COL4A3: variants seen among roughly 807,000 people sequenced by gnomAD.
COL4A3 encodes collagen alpha-3(IV) chain.
In COL4A3, 135 loss-of-function variants were observed where a neutral mutation model predicts 217.4. The ratio of observed to expected loss-of-function variants is 0.62; its 90% CI spans 0.54 to 0.72. The LOEUF (loss-of-function observed/expected upper bound fraction) is 0.72, where lower values mean the gene tolerates loss of function less well. COL4A3 is among the 30% of genes least tolerant of loss of function. The probability of loss-of-function intolerance (pLI) is 0.00; values close to 1 mark genes in which losing one functional copy is unlikely to be tolerated. For missense variants in COL4A3, 1,868 were observed against 2,119.9 expected, an observed-to-expected ratio of 0.88 and a Z score of 2.33; for synonymous variants, 690 against 736.3, an observed-to-expected ratio of 0.94 and a Z score of 1.02.
In COL4A3 at chr2:227,293,202, A is replaced by G. The variant is rs1289304213; in HGVS notation, c.3222A>G (p.Gly1074=). ...TGACTACATTTAAGGGGGATCCAGG[A>G]CTGCCGGGTGATATGGGAAAGAAAG... The part of the protein sequence containing the change: ...PGPPGPTGDP[G]LPGDMGKKGE... Residue 1074 remains glycine (G), a synonymous_variant, in exon 38 of 52, where the codon GGA becomes GGG. Coordinates refer to ENST00000396578, the MANE Select transcript of COL4A3 (RefSeq NM_000091.5). The G allele has an allele frequency of 6.2e-6, 10 of 1,613,906 alleles. No homozygotes were observed. Among genetic ancestry groups the G allele is most frequent in the Non-Finnish European group, 7.6e-6 (9 of 1,180,036 alleles).
chr2:227,180,351 G>T (rs1329164149), intron 1 of COL4A3, among the ~76,000 whole-genome samples: 1 of 152,232 alleles, frequency 6.6e-6, no homozygotes, highest in Admixed American at 6.5e-5. Flanking sequence ...AGAAGAATGA[G>T]ATGTGGATTT....
At chr2:227,207,720 G>A (rs114490711) in intron 1 of COL4A3, among the ~76,000 whole-genome samples, 2,305 of 152,292 alleles carry the variant, frequency 0.015, 63 homozygotes, top group African/African-American at 0.052. Flanking sequence ...GTGGCCAAAA[G>A]CTCTCCAGGT....
chr2:227,192,375 C>A (rs1162857527), intron 1 of COL4A3, among the ~76,000 whole-genome samples: 4 of 152,166 alleles, frequency 2.6e-5, no homozygotes, highest in Non-Finnish European at 4.4e-5. Flanking sequence ...GTTTAGCACA[C>A]ACTATCATAT....
intron 1 of COL4A3, among the ~76,000 whole-genome samples, chr2:227,234,320 T>C (rs1198677500): frequency 6.6e-6 from 1 of 152,216 alleles, no homozygotes; most frequent in African/African-American, 2.4e-5. Flanking sequence ...TTTAAACTTT[T>C]TCCAAAAGAA....
intron 1 of COL4A3, among the ~76,000 whole-genome samples, chr2:227,226,111 G>C (rs928581436): frequency 6.6e-6 from 1 of 152,150 alleles, no homozygotes; most frequent in African/African-American, 2.4e-5. Context: ...CTGTGGTTTG[G>C]GGGGTGGGTG....
chr2:227,213,130 T>C (rs1454092889), intron 1 of COL4A3, among the ~76,000 whole-genome samples: 2 of 152,214 alleles, frequency 1.3e-5, no homozygotes, highest in Non-Finnish European at 2.9e-5. Context: ...GTCACAGTGC[T>C]ATTTTAGGGT....
At chr2:227,293,505 A>G (rs2072878079) in intron 38 of COL4A3, among the ~76,000 whole-genome samples, 188 bp downstream of exon 38, 1 of 152,242 alleles carries the variant, frequency 6.6e-6, no homozygotes, top group Admixed American at 6.5e-5. Flanking sequence ...TAATCAGCCC[A>G]TTTGGACTGA....
intron 9 of COL4A3, among the ~76,000 whole-genome samples, chr2:227,249,212 G>A (rs1331394169): frequency 3.0e-5 from 1 of 33,228 alleles, no homozygotes; most frequent in Non-Finnish European, 5.9e-5. Flanking sequence ...AAATTAGCTA[G>A]TATATATATA....
intron 6 of COL4A3, 73 bp from the exon 7 acceptor site, chr2:227,246,612 G>T: frequency 1.6e-6 from 2 of 1,289,546 alleles, no homozygotes; most frequent in South Asian, 2.4e-5. Context: ...TTGGAAGCGA[G>T]AAACAGGAAA....
chr2:227,303,843 CTTTG>C lies in COL4A3; in HGVS notation c.3956-8_3956-5del, dbSNP rs779522146. The C allele has an allele frequency of 3.1e-5, 50 of 1,612,966 alleles. No individual in the cohort carries two copies. In the East Asian group the frequency reaches 1.0e-3, roughly 33 times the overall value. On this transcript the variant is annotated splice_polypyrimidine_tract_variant and intron_variant, in intron 44 of 51. Coordinates refer to ENST00000396578, the MANE Select transcript of COL4A3 (RefSeq NM_000091.5). ...TGATCTAAGTGGAATCACACTGTGT[CTTTG>C]TTTGTTTTTAGGAGAAAAGGGTAAT... is the stretch of plus-strand genomic sequence containing the variant.
chr2:227,258,758 T>C (rs539698910), intron 18 of COL4A3, among the ~76,000 whole-genome samples: 1 of 152,350 alleles, frequency 6.6e-6, no homozygotes, highest in South Asian at 2.1e-4. Context: ...ATTCAAACTA[T>C]AGCAGTTCCT....
At position 227,284,214 on chromosome 2, in the gene COL4A3, G is replaced by A. The variant is rs773119622; in HGVS notation, c.2750G>A (p.Ser917Asn). 1.9e-6 allele frequency: 3 copies of A among 1,614,034 alleles called. No homozygotes were observed. The highest frequency in any genetic ancestry group is 4.5e-5 in the East Asian group (2 of 44,872). The part of the protein sequence containing the change: ...GNPGTPGQRG[S>N]PGIPGVKGQR... Reference sequence around the variant, plus strand: ...TGTTGTTACTCCTGTCTGTTAGGGAGCCCTGGAATTCCAGGAGTAAAGGGC... The same window carrying A: ...TGTTGTTACTCCTGTCTGTTAGGGAACCCTGGAATTCCAGGAGTAAAGGGC... Residue 917 changes from serine (S) to asparagine (N), a missense_variant, in exon 34 of 52, where the codon AGC (serine) becomes AAC (asparagine). Around this residue, in one of 2 missense-constraint regions of COL4A3, gnomAD observed 1,503 missense variants for 1,786.1 expected, o/e 0.84. Transcript: ENST00000396578.
At chr2:227,228,869 C>G (rs890073029) in intron 1 of COL4A3, among the ~76,000 whole-genome samples, 1 of 152,158 alleles carries the variant, frequency 6.6e-6, no homozygotes, top group African/African-American at 2.4e-5. Context: ...GATAAACCCT[C>G]AACTCAGGAG....
intron 20 of COL4A3, among the ~76,000 whole-genome samples, chr2:227,263,537 T>C (rs183278720): frequency 1.9e-3 from 292 of 152,362 alleles, no homozygotes; most frequent in Non-Finnish European, 3.0e-3. Context: ...AAACTCTGTT[T>C]CAGTTTCTTG....
intron 1 of COL4A3, among the ~76,000 whole-genome samples, chr2:227,208,025 C>T (rs115039563): frequency 6.6e-6 from 1 of 151,900 alleles, no homozygotes. Context: ...CCCGCCCCCC[C>T]ACACACACGA....
chr2:227,202,706 G>T (rs2066742202), intron 1 of COL4A3, among the ~76,000 whole-genome samples: 1 of 142,278 alleles, frequency 7.0e-6, no homozygotes, highest in Non-Finnish European at 1.5e-5. Flanking sequence ...CTGCAGTCCG[G>T]CCTGGGAGAA....
intron 37 of COL4A3, among the ~76,000 whole-genome samples, chr2:227,292,045 C>T (rs1302345031): frequency 6.6e-6 from 1 of 152,172 alleles, no homozygotes; most frequent in African/African-American, 2.4e-5. Context: ...AAACTAAATG[C>T]AAAATGTTTG....
In COL4A3 at chr2:227,290,873, C is replaced by T. The variant is rs1181815898; in HGVS notation, c.3197C>T (p.Pro1066Leu). The change falls in exon 37 of 52, where the codon CCA becomes CTA. Residue 1066 changes from proline (P) to leucine (L), a missense_variant. Around this residue, in one of 2 missense-constraint regions of COL4A3, gnomAD observed 1,503 missense variants for 1,786.1 expected, o/e 0.84. Transcript: ENST00000396578. ...TATTCAGAAGGTACAAGGCCAGGACCACCGGGACCAACGGTATATAGGCCA... is the reference window on the plus strand; with the variant it reads ...TATTCAGAAGGTACAAGGCCAGGACTACCGGGACCAACGGTATATAGGCCA... ...PGYSEGTRPG[P>L]PGPTGDPGLP... The T allele has an allele frequency of 6.2e-7, 1 of 1,612,552 alleles. No individual in the cohort carries two copies. The highest frequency in any genetic ancestry group is 1.3e-5 in the African/African-American group (1 of 74,964).
At chr2:227,289,915 C>A in intron 35 of COL4A3, 84 bp from the exon 36 acceptor site, 16 of 1,308,692 alleles carry the variant, frequency 1.2e-5, no homozygotes, top group Non-Finnish European at 1.7e-5. Flanking sequence ...TGCATTCATT[C>A]ATGCATGCAA....
Sources: gnomAD v4.1 joint callset for allele counts (sites outside exome capture counted in the v4.1 genomes callset) on GRCh38, gnomAD v4.1.1 for gene constraint, gnomAD v4.1.1 regional missense constraint, MANE v1.5 for transcripts, NCBI Gene and HGNC (gene_info 2026-07-23, HGNC 2026-07-21) for gene names.